JPH1: variants seen among roughly 807,000 people sequenced by gnomAD.
The protein encoded by JPH1 is junctophilin 1, also known as junctophilin-1.
Under a neutral mutation model 53.6 loss-of-function variants are expected in JPH1, and 12 were observed. The observed-to-expected ratio is 0.22, with a 90% CI of 0.14 to 0.36. The LOEUF (loss-of-function observed/expected upper bound fraction) is 0.36, where lower values mean the gene tolerates loss of function less well. JPH1 is among the 10% of genes least tolerant of loss of function. The pLI is 1.00. For missense variants in JPH1, 808 were observed against 905.5 expected (o/e 0.89, Z 1.38); for synonymous variants, 375 against 363.8 (o/e 1.03, Z -0.35).
intron 5 of JPH1, 77 bp downstream of exon 5, chr8:74,237,129 TAA>T: frequency 1.1e-6 from 1 of 930,338 alleles, no homozygotes; most frequent in Non-Finnish European, 1.7e-6. Flanking sequence ...ACGTCATTGT[TAA>T]AAAAAATAGC....
At chr8:74,308,294 G>C (rs1468978325) in intron 2 of JPH1, among the ~76,000 whole-genome samples, 1 of 152,130 alleles carries the variant, frequency 6.6e-6, no homozygotes, top group Non-Finnish European at 1.5e-5. Context: ...ATAACAGTTT[G>C]GCTCAACCTG....
rs571158621 is a variant in JPH1 at position 74,240,261 on chromosome 8, C to T, written c.1906-2958G>A. ...TGTTGGGATTACAGGTGTGGGCTACCGTGCCCAGTTCTCTTTTAGTTATTT... is the reference window on the plus strand; with the variant it reads ...TGTTGGGATTACAGGTGTGGGCTACTGTGCCCAGTTCTCTTTTAGTTATTT... On this transcript the variant is annotated intron_variant, in intron 4 of 5. Coordinates refer to ENST00000342232, the MANE Select transcript of JPH1 (RefSeq NM_020647.4). Among the ~76,000 whole-genome samples, 62 of 152,290 alleles carry T rather than the reference C, an allele frequency of 4.1e-4. No individual in the cohort carries two copies. The South Asian group carries it at 0.012, about 30-fold the overall frequency.
intron 2 of JPH1, among the ~76,000 whole-genome samples, chr8:74,280,568 A>G (rs1402608632): frequency 6.6e-6 from 1 of 152,196 alleles, no homozygotes; most frequent in African/African-American, 2.4e-5. Flanking sequence ...CAGGAAGGGA[A>G]GGAACAGCAC....
At chr8:74,239,494 G>A (rs965965659) in intron 4 of JPH1, among the ~76,000 whole-genome samples, 2 of 152,184 alleles carry the variant, frequency 1.3e-5, no homozygotes, top group African/African-American at 4.8e-5. Flanking sequence ...TAGAATAGTT[G>A]TAATTCTAAA....
chr8:74,250,927 C>T (rs777268534), intron 3 of JPH1, among the ~76,000 whole-genome samples: 1 of 152,170 alleles, frequency 6.6e-6, no homozygotes, highest in Non-Finnish European at 1.5e-5. Flanking sequence ...CTGATACTAC[C>T]AGTACATGCT....
chr8:74,257,706 C>CA (rs1806278298), intron 3 of JPH1, among the ~76,000 whole-genome samples: 1 of 151,776 alleles, frequency 6.6e-6, no homozygotes, highest in South Asian at 2.1e-4. Flanking sequence ...GAGGTCGCTG[C>CA]AAAAAATGGA....
At chr8:74,256,918 T>C (rs1055918995) in intron 3 of JPH1, among the ~76,000 whole-genome samples, 25 of 152,344 alleles carry the variant, frequency 1.6e-4, no homozygotes, top group Admixed American at 1.5e-3. Flanking sequence ...ACAACTTCTA[T>C]GCACGAACAC....
chr8:74,306,598 C>T (rs1807841097), intron 2 of JPH1, among the ~76,000 whole-genome samples: 1 of 143,182 alleles, frequency 7.0e-6, no homozygotes, highest in Non-Finnish European at 1.5e-5. Context: ...TGGTGATCTA[C>T]ACTAACTTTT....
chr8:74,313,811 C>T (rs1277640495), intron 2 of JPH1, among the ~76,000 whole-genome samples: 1 of 152,182 alleles, frequency 6.6e-6, no homozygotes, highest in Non-Finnish European at 1.5e-5. Flanking sequence ...ATTTATGCTT[C>T]AAGTCTTACA....
In JPH1 at chr8:74,272,903, C is replaced by T. The variant is rs555044756; in HGVS notation, c.1140-13400G>A. The stretch of plus-strand genomic sequence containing the variant: ...ACAGGCGTGAGCCACCGCGCCCGGC[C>T]GGACCCTTAGTTCTGAGATACTACA... On this transcript the variant is annotated intron_variant, in intron 2 of 5. Transcript: ENST00000342232. Among the ~76,000 whole-genome samples, 85 of 152,108 alleles carry T rather than the reference C, an allele frequency of 5.6e-4. No individual in the cohort carries two copies. The South Asian group carries it at 0.016, about 29-fold the overall frequency.
At chr8:74,256,505 C>G (rs2131390276) in intron 3 of JPH1, among the ~76,000 whole-genome samples, 1 of 150,418 alleles carries the variant, frequency 6.6e-6, no homozygotes, top group South Asian at 2.1e-4. Context: ...AACAAACCTG[C>G]ACGTTGTGCA....
At chr8:74,294,594 TA>T (rs1227797942) in intron 2 of JPH1, among the ~76,000 whole-genome samples, 1 of 152,248 alleles carries the variant, frequency 6.6e-6, no homozygotes, top group African/African-American at 2.4e-5. Context: ...AACCTCCACG[TA>T]GCTATTATTT....
intron 2 of JPH1, 132 bp from the exon 3 acceptor site, chr8:74,259,635 T>C: frequency 3.3e-6 from 2 of 614,162 alleles, no homozygotes; most frequent in Non-Finnish European, 5.6e-6. Flanking sequence ...GCAAAAATTT[T>C]AGAGTCCTAT....
intron 2 of JPH1, among the ~76,000 whole-genome samples, chr8:74,299,943 T>C (rs4738444): frequency 0.25 from 38,157 of 152,138 alleles, 4,938 homozygotes; most frequent in Middle Eastern, 0.31. Context: ...TACTAAAAAG[T>C]TTAAAGAAAA....
In JPH1 at chr8:74,306,701, C is replaced by T. The variant is rs568437660; in HGVS notation, c.1139+8160G>A. 5.5e-4 allele frequency among the ~76,000 whole-genome samples: 84 copies of T among 151,796 alleles called. No homozygotes were observed. In the South Asian group the frequency reaches 0.014, roughly 26 times the overall value. ...GCAACCTCTGCCTCCCAGGTTCAAGCGATTCCTGCCTCAGCCTCCCGAGTA... is the reference window on the plus strand; with the variant it reads ...GCAACCTCTGCCTCCCAGGTTCAAGTGATTCCTGCCTCAGCCTCCCGAGTA... On this transcript the variant is annotated intron_variant, in intron 2 of 5. Transcript: ENST00000342232.
chr8:74,252,609 A>G (rs1393234291), intron 3 of JPH1, among the ~76,000 whole-genome samples: 1 of 152,134 alleles, frequency 6.6e-6, no homozygotes, highest in Non-Finnish European at 1.5e-5. Context: ...CAAATTGGAT[A>G]AAGAGTCAAG....
chr8:74,270,559 CT>C (rs1806669428), intron 2 of JPH1, among the ~76,000 whole-genome samples: 1 of 152,160 alleles, frequency 6.6e-6, no homozygotes, highest in Non-Finnish European at 1.5e-5. Flanking sequence ...AAAAGTAACA[CT>C]TTGGTGCAAT....
At chr8:74,280,542 G>A (rs1274213336) in intron 2 of JPH1, among the ~76,000 whole-genome samples, 2 of 152,146 alleles carry the variant, frequency 1.3e-5, no homozygotes, top group Non-Finnish European at 2.9e-5. Flanking sequence ...ATGGAGGTGG[G>A]AAGGAAGAAG....
intron 3 of JPH1, among the ~76,000 whole-genome samples, chr8:74,255,028 G>C (rs1806177165): frequency 1.3e-5 from 2 of 152,132 alleles, no homozygotes; most frequent in South Asian, 4.1e-4. Flanking sequence ...TTTCTCCACA[G>C]AATTGGAAAA....
Sources: allele counts gnomAD v4.1 joint callset (sites outside exome capture counted in the v4.1 genomes callset), GRCh38; gene constraint gnomAD v4.1.1; transcripts MANE v1.5; gene names NCBI Gene and HGNC (gene_info 2026-07-23, HGNC 2026-07-21).